Variants in SYNPR observed in about 807,000 individuals in gnomAD.
The protein encoded by SYNPR is synaptoporin.
In SYNPR, 23 loss-of-function variants were observed where a neutral mutation model predicts 32.9. That is an observed-to-expected ratio of 0.70 (90% CI 0.50 to 0.99). SYNPR has a LOEUF of 0.99. Ranked by LOEUF, SYNPR falls within the 50% of genes least tolerant of loss-of-function variation. The pLI is 0.00. For synonymous variants in SYNPR, 146 were observed against 135.9 expected, an observed-to-expected ratio of 1.07 and a Z score of -0.52; for missense variants, 318 against 349.3, an observed-to-expected ratio of 0.91 and a Z score of 0.71.
chr3:63,366,627 T>G lies in SYNPR; in HGVS notation c.84+87885T>G, dbSNP rs142750347. 7.0e-4 allele frequency among the ~76,000 whole-genome samples: 107 copies of G among 152,270 alleles called. 1 individual carries two copies. The highest frequency in any genetic ancestry group is 3.4e-3 in the Middle Eastern group (1 of 292). On this transcript the variant is annotated intron_variant, in intron 2 of 5. Transcript: ENST00000478300. ...TTGCTGACAGGTCACCAATCCAGCTTAGAAAGTAGGAGATGGCTACACTTG... is the reference window on the plus strand; with the variant it reads ...TTGCTGACAGGTCACCAATCCAGCTGAGAAAGTAGGAGATGGCTACACTTG...
At chr3:63,489,223 T>C (rs144124134) in intron 3 of SYNPR, among the ~76,000 whole-genome samples, 1 of 152,276 alleles carries the variant, frequency 6.6e-6, no homozygotes, top group African/African-American at 2.4e-5. Flanking sequence ...TTTAGGAAAC[T>C]GTGGGCGACA....
upstream of SYNPR, among the ~76,000 whole-genome samples, chr3:63,224,789 T>C (rs2086116659): frequency 6.6e-6 from 1 of 152,206 alleles, no homozygotes; most frequent in Non-Finnish European, 1.5e-5. Context: ...ACCCTGGCTG[T>C]CATGCCCTCC....
chr3:63,233,190 C>G lies in SYNPR; in HGVS notation n.66+4810C>G, dbSNP rs111505932. ...TCAACCATGCTATTTGAGAGTGGAG[C>G]CCAAATATCTGTATGGTTAACAGAC... On this transcript the variant is annotated intron_variant and non_coding_transcript_variant, in intron 1 of 4. Coordinates refer to the SYNPR transcript ENST00000478456. 7.0e-3 allele frequency among the ~76,000 whole-genome samples: 1,058 copies of G among 152,218 alleles called. 9 individuals are homozygous for G. The highest frequency in any genetic ancestry group is 0.024 in the African/African-American group (1,004 of 41,534).
At chr3:63,294,871 T>C (rs2086778300) in intron 2 of SYNPR, among the ~76,000 whole-genome samples, 1 of 152,186 alleles carries the variant, frequency 6.6e-6, no homozygotes, top group Non-Finnish European at 1.5e-5. Flanking sequence ...GAAATTGCAC[T>C]TCATGTATAT....
At chr3:63,466,015 C>G (rs1047129386) in intron 2 of SYNPR, among the ~76,000 whole-genome samples, 1 of 152,092 alleles carries the variant, frequency 6.6e-6, no homozygotes, top group Non-Finnish European at 1.5e-5. Flanking sequence ...CAGGTGTTAA[C>G]CCTAGTACCC....
chr3:63,440,207 AG>A (rs1460255309), intron 2 of SYNPR, among the ~76,000 whole-genome samples: 1 of 152,192 alleles, frequency 6.6e-6, no homozygotes, highest in Non-Finnish European at 1.5e-5. Flanking sequence ...GGGCAGGAAA[AG>A]ATCTGAGGAA....
chr3:63,494,585 A>G (rs1278670738), intron 3 of SYNPR, among the ~76,000 whole-genome samples: 2 of 150,520 alleles, frequency 1.3e-5, no homozygotes, highest in South Asian at 4.2e-4. Context: ...ATTATCATCA[A>G]AAAAGGCCAC....
intron 2 of SYNPR, among the ~76,000 whole-genome samples, chr3:63,447,148 C>A (rs373065414): frequency 6.6e-6 from 1 of 152,118 alleles, no homozygotes. Context: ...AATATACTAA[C>A]GGCCATCAAA....
chr3:63,299,100 T>C (rs1320266690), intron 2 of SYNPR, among the ~76,000 whole-genome samples: 1 of 152,144 alleles, frequency 6.6e-6, no homozygotes, highest in African/African-American at 2.4e-5. Context: ...AATAAATCTA[T>C]TCTGACCCTT....
At chr3:63,501,617 A>G (rs1701484094) in intron 3 of SYNPR, among the ~76,000 whole-genome samples, 2 of 152,166 alleles carry the variant, frequency 1.3e-5, no homozygotes, top group African/African-American at 4.8e-5. Context: ...AAATATGATG[A>G]GCCTTTGCTA....
intron 2 of SYNPR, among the ~76,000 whole-genome samples, chr3:63,310,553 G>A (rs1162144442): frequency 6.6e-6 from 1 of 151,944 alleles, no homozygotes; most frequent in Non-Finnish European, 1.5e-5. Context: ...GATTCTTGCT[G>A]ATGTTGTCAA....
At chr3:63,504,506 T>A (rs948033557) in intron 3 of SYNPR, among the ~76,000 whole-genome samples, 2 of 152,174 alleles carry the variant, frequency 1.3e-5, no homozygotes, top group African/African-American at 4.8e-5. Context: ...TTCCAAAGTT[T>A]ATCTACAAGT....
Position 63,616,901 on chromosome 3 carries a change from T to G in SYNPR, c.*1420T>G, listed in dbSNP as rs1700285703. 1 of 152,208 alleles carries G rather than the reference T, an allele frequency of 6.6e-6. No individual in the cohort carries two copies. Among genetic ancestry groups the G allele is most frequent in the Non-Finnish European group, 1.5e-5 (1 of 68,040 alleles). The allele number at this position is 152,208 out of a possible 1,614,324, so 9.4% of individuals were successfully genotyped here. ...ACTGTATTGTGATATCTATTTGATG[T>G]TAATAAAGTTATTGCATACAGTGCT... On this transcript the variant is annotated 3_prime_UTR_variant, in exon 6 of 6. Transcript: ENST00000478300.
intron 2 of SYNPR, among the ~76,000 whole-genome samples, chr3:63,326,800 T>A (rs1171003265): frequency 3.3e-5 from 5 of 152,164 alleles, no homozygotes; most frequent in African/African-American, 1.2e-4. Flanking sequence ...CTGGTAAGAA[T>A]CAGACTTAGT....
chr3:63,533,026 T>A (rs944245814), intron 3 of SYNPR, among the ~76,000 whole-genome samples: 2 of 152,186 alleles, frequency 1.3e-5, no homozygotes, highest in African/African-American at 4.8e-5. Context: ...GTGTTCCCAT[T>A]GCACTTGACC....
At chr3:63,474,438 T>C (rs1700861852) in intron 2 of SYNPR, among the ~76,000 whole-genome samples, 2 of 152,146 alleles carry the variant, frequency 1.3e-5, no homozygotes, top group African/African-American at 4.8e-5. Context: ...AGTAAGTAAT[T>C]GAGTGGATGA....
chr3:63,248,495 C>A (rs1457371160), intron 1 of SYNPR, among the ~76,000 whole-genome samples: 9 of 152,022 alleles, frequency 5.9e-5, no homozygotes, highest in Admixed American at 2.6e-4. Context: ...TAAATGGACA[C>A]AGAGAAGGTT....
intron 2 of SYNPR, among the ~76,000 whole-genome samples, chr3:63,428,763 T>C (rs1304760419): frequency 6.6e-6 from 1 of 152,216 alleles, no homozygotes; most frequent in Non-Finnish European, 1.5e-5. Context: ...CAGGCTAGCC[T>C]AGGCTTATTC....
chr3:63,245,673 T>C (rs2086278057), intron 1 of SYNPR, among the ~76,000 whole-genome samples: 1 of 132,082 alleles, frequency 7.6e-6, no homozygotes, highest in Admixed American at 7.6e-5. Flanking sequence ...AAGAAAGCTT[T>C]GTCAAGTGAG....
Sources: allele counts gnomAD v4.1 joint callset (sites outside exome capture counted in the v4.1 genomes callset), GRCh38; gene constraint gnomAD v4.1.1; transcripts MANE v1.5; gene names NCBI Gene and HGNC (gene_info 2026-07-23, HGNC 2026-07-21).